COL4A4: variants seen among roughly 807,000 people sequenced by gnomAD.
COL4A4 encodes collagen type IV alpha 4 chain, also known as collagen alpha-4(IV) chain.
In COL4A4, 105 loss-of-function variants were observed where a neutral mutation model predicts 192.9. The observed-to-expected ratio is 0.54, with a 90% CI of 0.46 to 0.64. The LOEUF is 0.64. COL4A4 is among the 30% of genes least tolerant of loss of function. The pLI, the probability that COL4A4 is intolerant of heterozygous loss-of-function variation, is 0.00. For synonymous variants in COL4A4, 762 were observed against 769.9 expected, an observed-to-expected ratio of 0.99 and a Z score of 0.17; for missense variants, 1,967 against 2,169.3, an observed-to-expected ratio of 0.91 and a Z score of 1.85.
the COL4A4 span, chr2:226,988,670 C>G: frequency 1.0e-6 from 1 of 984,030 alleles, no homozygotes; most frequent in African/African-American, 1.7e-5. Flanking sequence ...TTTAATATTC[C>G]GAAGGGTTTT....
chr2:227,057,734 T>G, intron 28 of COL4A4, 134 bp from the exon 29 acceptor site: 1 of 941,980 alleles, frequency 1.1e-6, no homozygotes, highest in East Asian at 2.6e-5. Context: ...GGTTAAGTCT[T>G]TGAGTGGATT....
In COL4A4 at chr2:227,123,942, A is replaced by T. The variant is rs1307869226; in HGVS notation, c.193-2794T>A. On this transcript the variant is annotated intron_variant, in intron 4 of 47. Coordinates refer to ENST00000396625, the MANE Select transcript of COL4A4 (RefSeq NM_000092.5). The surrounding 1 kb of genome is among the most constrained non-coding windows in gnomAD (Gnocchi z 4.6). ...TGTGTGACCTTGGGTATGTTTCTTA[A>T]CCTCTCTGTTCCTTGGCATCTTTAT... Among the ~76,000 whole-genome samples, 2 of 152,144 alleles carry T rather than the reference A, an allele frequency of 1.3e-5. No individual in the cohort carries two copies. Among genetic ancestry groups the T allele is most frequent in the African/African-American group, 4.8e-5 (2 of 41,424 alleles).
At chr2:227,105,341 A>G (rs1017798777) in intron 12 of COL4A4, among the ~76,000 whole-genome samples, 2 of 151,776 alleles carry the variant, frequency 1.3e-5, no homozygotes, top group African/African-American at 4.8e-5. Context: ...CAGATAATGC[A>G]CCATCGTGCC....
chr2:227,073,514 C>T (rs551294645), intron 25 of COL4A4, among the ~76,000 whole-genome samples: 3 of 151,962 alleles, frequency 2.0e-5, no homozygotes, highest in African/African-American at 7.2e-5. Context: ...AAAATATGCA[C>T]ATCATTTTTC....
chr2:227,143,758 G>A (rs1017813413), intron 3 of COL4A4, among the ~76,000 whole-genome samples: 7 of 152,064 alleles, frequency 4.6e-5, no homozygotes, highest in Non-Finnish European at 1.0e-4. Context: ...CAACAAAGTC[G>A]GGCAAGTCTT....
intron 37 of COL4A4, among the ~76,000 whole-genome samples, chr2:227,041,864 A>AAGAAAGAAAGAAAGAAAGAAAGAAAG (rs1971407234): frequency 1.8e-5 from 2 of 109,348 alleles, no homozygotes; most frequent in African/African-American, 8.0e-5. Context: ...GAAAGAAAGA[A>AAGAAAGAAAGAAAGAAAGAAAGAAAG]AGAAAGAAAG....
intron 44 of COL4A4, 91 bp from the exon 45 acceptor site, chr2:227,012,388 G>A: frequency 2.0e-6 from 2 of 983,560 alleles, no homozygotes; most frequent in Non-Finnish European, 3.2e-6. Flanking sequence ...CCGTGTGCCA[G>A]CCCCAGGCTT....
chr2:227,134,793 A>C (rs938747702), intron 4 of COL4A4, among the ~76,000 whole-genome samples: 1 of 152,248 alleles, frequency 6.6e-6, no homozygotes, highest in Admixed American at 6.5e-5. Context: ...AAAAAGACTA[A>C]GACAATTCTT....
the COL4A4 span, among the ~76,000 whole-genome samples, chr2:226,995,123 T>C: frequency 6.6e-6 from 1 of 151,796 alleles, no homozygotes; most frequent in African/African-American, 2.4e-5. Context: ...AATAAGCCCT[T>C]GAGATACTGT....
chr2:227,155,095 A>C (rs1476635122), intron 1 of COL4A4, among the ~76,000 whole-genome samples: 1 of 152,196 alleles, frequency 6.6e-6, no homozygotes, highest in Non-Finnish European at 1.5e-5. Context: ...CAGCAAGGAA[A>C]ACTGGACAAT....
At position 227,060,209 on chromosome 2, in the gene COL4A4, A is replaced by G. The variant is rs1385008601; in HGVS notation, c.2091T>C (p.Pro697=). The change falls in exon 27 of 48, where the codon CCT becomes CCC. Residue 697 remains proline, a synonymous_variant. Transcript: ENST00000396625. ...PKGFPGPQGA[P]GLSGSDGHKG... ...TATGCCCATCTGAACCACTCAGCCC[A>G]GGGGCACCTTGGGGACCTGGAAATC... 1 of 1,612,344 alleles carries G rather than the reference A, an allele frequency of 6.2e-7. No individual in the cohort carries two copies. The highest frequency in any genetic ancestry group is 1.1e-5 in the South Asian group (1 of 90,844).
At chr2:226,975,413 C>A in the COL4A4 span, among the ~76,000 whole-genome samples, 1 of 152,092 alleles carries the variant, frequency 6.6e-6, no homozygotes, top group Admixed American at 6.6e-5. Context: ...AACTCAATGA[C>A]AGTTTGCTTT....
In COL4A4 at chr2:227,132,885, G is replaced by A. The variant is rs566043483; in HGVS notation, c.192+7276C>T. Among the ~76,000 whole-genome samples, 7 of 152,286 alleles carry A rather than the reference G, an allele frequency of 4.6e-5. No individual in the cohort carries two copies. In the South Asian group the frequency reaches 6.2e-4, roughly 14 times the overall value. On this transcript the variant is annotated intron_variant, in intron 4 of 47. Transcript: ENST00000396625. ...TATTGAATATGGTTGTTTGAAAGGA[G>A]AAATTTGCTTTTATTTCCTAAAACC...
chr2:227,033,470 A>ATTT lies in COL4A4; in HGVS notation c.3516_3517insAAA (p.Gly1172_Ser1173insLys). 2 of 1,613,272 alleles carry ATTT rather than the reference A, an allele frequency of 1.2e-6. No individual in the cohort carries two copies. Among genetic ancestry groups the ATTT allele is most frequent in the Non-Finnish European group, 1.7e-6 (2 of 1,179,966 alleles). On this transcript the variant is annotated inframe_insertion, in exon 38 of 48. Transcript: ENST00000396625. ...CCATGCAAGCCGTTCAGGCCAGGTG[A>ATTT]TCCGGAGGGACCTGAAAAACACCAC... is the stretch of plus-strand genomic sequence containing the variant.
intron 1 of COL4A4, among the ~76,000 whole-genome samples, chr2:227,148,912 G>A (rs1401747888): frequency 6.6e-6 from 1 of 151,646 alleles, no homozygotes; most frequent in Admixed American, 6.6e-5. Flanking sequence ...CGCGATCTTG[G>A]CTCACTGCTG....
chr2:226,984,097 G>A, the COL4A4 span, among the ~76,000 whole-genome samples: 14 of 152,192 alleles, frequency 9.2e-5, no homozygotes, highest in Admixed American at 2.0e-4. Context: ...AGAAAGATGT[G>A]CTTTCTTCTC....
Position 227,109,327 on chromosome 2 carries a change from G to A in COL4A4, c.595-41C>T, listed in dbSNP as rs200548552. 5.5e-5 allele frequency: 83 copies of A among 1,519,306 alleles called. No individual in the cohort carries two copies. In the African/African-American group the frequency reaches 1.1e-3, roughly 20 times the overall value. 94.1% of individuals were successfully genotyped at this position (1,519,306 alleles called of 1,614,324 possible). On this transcript the variant is annotated intron_variant, in intron 9 of 47. Transcript: ENST00000396625. ...ATCAGTGCATCTGTTACCCAAAATT[G>A]TAATCATCTTTCACAGAAAGAGTTG...
chr2:227,159,648 T>C (rs1282831512), intron 1 of COL4A4, among the ~76,000 whole-genome samples: 1 of 152,190 alleles, frequency 6.6e-6, no homozygotes, highest in Non-Finnish European at 1.5e-5. Flanking sequence ...ATTCTCATGA[T>C]ACTGAGTGAG....
chr2:226,990,717 C>T, the COL4A4 span, among the ~76,000 whole-genome samples: 1 of 152,150 alleles, frequency 6.6e-6, no homozygotes, highest in Non-Finnish European at 1.5e-5. Flanking sequence ...AACCACAAAT[C>T]AATAAATTTT....
Sources: allele counts gnomAD v4.1 joint callset (sites outside exome capture counted in the v4.1 genomes callset), GRCh38; gene constraint gnomAD v4.1.1; non-coding constraint Gnocchi (gnomAD v3.1); transcripts MANE v1.5; gene names NCBI Gene and HGNC (gene_info 2026-07-23, HGNC 2026-07-21).